MCTP1: variants seen among roughly 807,000 people sequenced by gnomAD.
The protein encoded by MCTP1 is multiple C2 and transmembrane domain containing 1.
In MCTP1, 69 loss-of-function variants were observed where a neutral mutation model predicts 120.6. The ratio of observed to expected loss-of-function variants is 0.57; its 90% CI spans 0.47 to 0.70. The LOEUF (loss-of-function observed/expected upper bound fraction) is 0.70. Among genes scored for constraint, MCTP1 ranks in the 30% least tolerant of loss-of-function variants. The pLI is 0.00. For missense variants in MCTP1, 1,203 were observed against 1,248.8 expected, an observed-to-expected ratio of 0.96 and a Z score of 0.55; for synonymous variants, 529 against 493.1, an observed-to-expected ratio of 1.07 and a Z score of -0.96.
At chr5:94,710,146 C>T (rs1208987109) in intron 21 of MCTP1, 1 of 151,640 alleles carries the variant, frequency 6.6e-6, no homozygotes, top group African/African-American at 2.4e-5. Context: ...TTTTCCAAAC[C>T]AAGAATTTTG....
At chr5:95,121,631 A>G (rs538582872) in intron 1 of MCTP1, among the ~76,000 whole-genome samples, 1 of 152,082 alleles carries the variant, frequency 6.6e-6, no homozygotes, top group East Asian at 1.9e-4. Flanking sequence ...CATTCTTCAT[A>G]GAAATAGAAA....
intron 17 of MCTP1, among the ~76,000 whole-genome samples, chr5:94,862,975 T>A (rs1456738523): frequency 6.6e-6 from 1 of 151,818 alleles, no homozygotes; most frequent in Non-Finnish European, 1.5e-5. Flanking sequence ...AAAATATATA[T>A]CTTTTAAATC....
At chr5:94,722,270 T>C (rs911516932) in intron 19 of MCTP1, among the ~76,000 whole-genome samples, 1 of 152,148 alleles carries the variant, frequency 6.6e-6, no homozygotes, top group Non-Finnish European at 1.5e-5. Context: ...CTGTTCTAAA[T>C]GGGAACATGA....
chr5:94,964,337 G>T (rs1825083584), intron 2 of MCTP1, among the ~76,000 whole-genome samples: 1 of 152,172 alleles, frequency 6.6e-6, no homozygotes. Flanking sequence ...CTGCTGAACA[G>T]AATATTCCAT....
At chr5:95,156,727 T>A (rs2152467858) in intron 1 of MCTP1, among the ~76,000 whole-genome samples, 1 of 152,358 alleles carries the variant, frequency 6.6e-6, no homozygotes, top group South Asian at 2.1e-4. Flanking sequence ...TGAACATTTA[T>A]TGTAAGTGTT....
rs539028331 is a variant in MCTP1, at chr5:95,088,775, A to G, written c.721-71291T>C. On this transcript the variant is annotated intron_variant, in intron 1 of 22. Coordinates refer to ENST00000515393, the MANE Select transcript of MCTP1 (RefSeq NM_024717.7). ...ATTCCTCATAATAAGCCTGTGAAAT[A>G]ACACTACAATTTGCCCCATTCTGAT... Among the ~76,000 whole-genome samples the G allele has an allele frequency of 1.4e-4, 22 of 152,344 alleles. 1 individual carries two copies. The South Asian group carries it at 3.9e-3, about 27-fold the overall frequency.
At chr5:94,829,031 C>CAGTT (rs1787904931) in intron 17 of MCTP1, among the ~76,000 whole-genome samples, 3 of 152,070 alleles carry the variant, frequency 2.0e-5, no homozygotes, top group Non-Finnish European at 4.4e-5. Context: ...AAAACTCCTG[C>CAGTT]AGTTAGCACA....
At chr5:95,217,498 G>A (rs145988739) in intron 1 of MCTP1, among the ~76,000 whole-genome samples, 91 of 152,232 alleles carry the variant, frequency 6.0e-4, no homozygotes, top group African/African-American at 1.8e-3. Flanking sequence ...TAGTAAAGCC[G>A]GTCTTGGCCA....
chr5:95,190,860 C>T (rs1368699323), intron 1 of MCTP1, among the ~76,000 whole-genome samples: 1 of 151,792 alleles, frequency 6.6e-6, no homozygotes, highest in South Asian at 2.1e-4. Context: ...CATGAACAAC[C>T]CAAAATGAAA....
chr5:95,060,609 A>G (rs560884578), intron 1 of MCTP1, among the ~76,000 whole-genome samples: 12 of 152,326 alleles, frequency 7.9e-5, no homozygotes, highest in Non-Finnish European at 1.5e-4. Context: ...GTCTGTTGCT[A>G]GTTTATGAGT....
chr5:94,992,222 C>G lies in MCTP1; in HGVS notation c.838+25145G>C, dbSNP rs1248182422. Among the ~76,000 whole-genome samples, 7 of 152,256 alleles carry G rather than the reference C, an allele frequency of 4.6e-5. No homozygotes were observed. In the South Asian group the frequency reaches 1.5e-3, roughly 32 times the overall value. ...AAAGAAAACAAATCCTTGCAGTTCT[C>G]ATTTGGGAATATTCACTAACTTCAC... is the stretch of plus-strand genomic sequence containing the variant. On this transcript the variant is annotated intron_variant, in intron 2 of 22. Coordinates refer to ENST00000515393, the MANE Select transcript of MCTP1 (RefSeq NM_024717.7).
At chr5:95,014,466 G>A (rs775747828) in intron 2 of MCTP1, among the ~76,000 whole-genome samples, 6 of 152,094 alleles carry the variant, frequency 3.9e-5, no homozygotes, top group Non-Finnish European at 8.8e-5. Context: ...GATAATGACT[G>A]AATTGCTGCA....
At chr5:95,215,122 A>G (rs1752892675) in intron 1 of MCTP1, among the ~76,000 whole-genome samples, 1 of 152,176 alleles carries the variant, frequency 6.6e-6, no homozygotes, top group South Asian at 2.1e-4. Context: ...GATCACGTCC[A>G]TCTTGGAGCT....
chr5:94,763,790 G>C (rs964123941), intron 19 of MCTP1, among the ~76,000 whole-genome samples: 1 of 152,056 alleles, frequency 6.6e-6, no homozygotes, highest in East Asian at 1.9e-4. Flanking sequence ...AGTAAGGAAG[G>C]GTAGCACTGT....
chr5:94,976,127 T>C (rs1828041199), intron 2 of MCTP1, among the ~76,000 whole-genome samples: 2 of 152,176 alleles, frequency 1.3e-5, no homozygotes, highest in African/African-American at 2.4e-5. Flanking sequence ...ATCTGAAATA[T>C]GTAAAGCTTA....
At chr5:94,805,110 G>T (rs1782020191) in intron 17 of MCTP1, among the ~76,000 whole-genome samples, 1 of 152,020 alleles carries the variant, frequency 6.6e-6, no homozygotes, top group Non-Finnish European at 1.5e-5. Flanking sequence ...AGCTTGTTCG[G>T]AATTAGCAGT....
chr5:94,742,821 T>G (rs1164056297), intron 19 of MCTP1, among the ~76,000 whole-genome samples: 1 of 152,174 alleles, frequency 6.6e-6, no homozygotes, highest in Admixed American at 6.5e-5. Flanking sequence ...ATATCTTCTA[T>G]CTATTGTGTA....
At chr5:95,278,999 T>C (rs115939811) in intron 1 of MCTP1, among the ~76,000 whole-genome samples, 1 of 151,650 alleles carries the variant, frequency 6.6e-6, no homozygotes, top group Non-Finnish European at 1.5e-5. Context: ...GCTTACCTAA[T>C]GCAGATGCCT....
intron 1 of MCTP1, chr5:95,068,693 G>T (rs1751316351): frequency 2.7e-6 from 2 of 749,062 alleles, no homozygotes; most frequent in Admixed American, 4.1e-5. Context: ...CATTACTATG[G>T]TTTTCACAAT....
Sources: allele counts gnomAD v4.1 joint callset (sites outside exome capture counted in the v4.1 genomes callset), GRCh38; gene constraint gnomAD v4.1.1; transcripts MANE v1.5; gene names NCBI Gene and HGNC (gene_info 2026-07-23, HGNC 2026-07-21).